Variants in DPYD observed in about 807,000 individuals in gnomAD.
The protein encoded by DPYD is dihydropyrimidine dehydrogenase, also known as dihydropyrimidine dehydrogenase [NADP(+)].
Under a neutral mutation model 116.2 loss-of-function variants are expected in DPYD, and 109 were observed. The ratio of observed to expected loss-of-function variants is 0.94; its 90% confidence interval spans 0.80 to 1.10. The LOEUF (loss-of-function observed/expected upper bound fraction) is 1.10, where lower values mean the gene tolerates loss of function less well. DPYD is among the 50% of genes least tolerant of loss of function. The pLI is 0.00. For synonymous variants in DPYD, 440 were observed against 432.0 expected (o/e 1.02, Z -0.23); for missense variants, 1,302 against 1,254.5 (o/e 1.04, Z -0.57).
rs1016828054 is a variant in DPYD at position 97,838,863 on chromosome 1, TA to T, written c.151-10668del. Among the ~76,000 whole-genome samples the T allele has an allele frequency of 8.5e-3, 1,033 of 120,966 alleles. 8 individuals are homozygous for T. Among genetic ancestry groups the T allele is most frequent in the African/African-American group, 0.028 (981 of 34,472 alleles). 79.4% of individuals were successfully genotyped at this position (120,966 alleles called of 152,430 possible). A position where few individuals can be genotyped will look rare whatever the true frequency, so the allele number is the denominator to read the frequency against. ...CGAGACTCCGTCTCAAAAAAAAAAA[TA>T]AATAAAAAAATAAAAGAACTTGAGT... On this transcript the variant is annotated intron_variant, in intron 2 of 22. Transcript: ENST00000370192.
At chr1:97,330,477 C>T (rs1668929592) in intron 16 of DPYD, among the ~76,000 whole-genome samples, 1 of 152,126 alleles carries the variant, frequency 6.6e-6, no homozygotes, top group Non-Finnish European at 1.5e-5. Context: ...ATTCACTCCA[C>T]AAATATGTAT....
chr1:97,318,407 G>GA (rs1668001071), intron 16 of DPYD, among the ~76,000 whole-genome samples: 1 of 136,594 alleles, frequency 7.3e-6, no homozygotes. Context: ...AAATGGAAAA[G>GA]AAAAAAAGGC....
chr1:97,122,339 GT>G (rs924526709), intron 20 of DPYD, among the ~76,000 whole-genome samples: 1 of 152,100 alleles, frequency 6.6e-6, no homozygotes, highest in Non-Finnish European at 1.5e-5. Context: ...CTCTATTTTG[GT>G]TTTGTGGCAG....
At chr1:97,866,960 A>G (rs71657279) in intron 2 of DPYD, among the ~76,000 whole-genome samples, 1,869 of 151,996 alleles carry the variant, frequency 0.012, 21 homozygotes, top group Non-Finnish European at 0.021. Flanking sequence ...CTTGTAGGCT[A>G]TAATAGGACC....
chr1:97,191,000 C>A (rs1051124397), intron 20 of DPYD, among the ~76,000 whole-genome samples: 1 of 151,872 alleles, frequency 6.6e-6, no homozygotes, highest in African/African-American at 2.4e-5. Context: ...TGAGGACCAG[C>A]ATACTATTCT....
chr1:97,694,522 G>T (rs1249711434), intron 6 of DPYD, among the ~76,000 whole-genome samples: 1 of 152,086 alleles, frequency 6.6e-6, no homozygotes, highest in Admixed American at 6.5e-5. Context: ...TTAAATTCCA[G>T]ACTTTTATGT....
intron 3 of DPYD, among the ~76,000 whole-genome samples, chr1:97,815,520 A>G (rs1668559305): frequency 6.6e-6 from 1 of 152,218 alleles, no homozygotes; most frequent in African/African-American, 2.4e-5. Flanking sequence ...AGGATAGTCA[A>G]TTGAAGCAAA....
intron 14 of DPYD, among the ~76,000 whole-genome samples, chr1:97,445,778 T>A (rs1570745895): frequency 1.3e-5 from 2 of 148,864 alleles, no homozygotes; most frequent in African/African-American, 5.0e-5. Context: ...CAGGCTGGAG[T>A]GCAGTGGCAT....
rs890239448 is a variant in DPYD at position 97,546,210 on chromosome 1, C to T, written c.1524+3350G>A. On this transcript the variant is annotated intron_variant, in intron 12 of 22. Transcript: ENST00000370192. ...TGAAACTAACAAGAACAGGACAAAA[C>T]GAGGATGGCAACAGAAGAGTAAAGG... The T allele has an allele frequency of 6.7e-5, 103 of 1,532,482 alleles. 1 individual carries two copies. In the South Asian group the frequency reaches 7.3e-4, roughly 11 times the overall value. 94.9% of individuals were successfully genotyped at this position (1,532,482 alleles called of 1,614,324 possible).
At chr1:97,098,662 A>T in intron 20 of DPYD, 30 bp from the exon 21 acceptor site, 1 of 1,611,754 alleles carries the variant, frequency 6.2e-7, no homozygotes, top group Non-Finnish European at 8.5e-7. Flanking sequence ...ATAAGGAAGC[A>T]TGTTAGCTCA....
At chr1:97,667,935 C>T (rs1343471625) in intron 8 of DPYD, among the ~76,000 whole-genome samples, 1 of 152,062 alleles carries the variant, frequency 6.6e-6, no homozygotes, top group Non-Finnish European at 1.5e-5. Flanking sequence ...AGACATTATG[C>T]TAAGTGAAAT....
At chr1:97,383,274 C>T (rs1014539537) in intron 14 of DPYD, among the ~76,000 whole-genome samples, 58 of 151,770 alleles carry the variant, frequency 3.8e-4, no homozygotes, top group African/African-American at 1.2e-3. Context: ...GTCAGGAGTT[C>T]GAGACCAACC....
intron 13 of DPYD, among the ~76,000 whole-genome samples, chr1:97,499,164 T>C (rs1309529060): frequency 6.6e-6 from 1 of 151,752 alleles, no homozygotes; most frequent in Non-Finnish European, 1.5e-5. Flanking sequence ...CAATTTCTGT[T>C]TATTTAAAAC....
At chr1:97,427,553 C>T (rs545079576) in intron 14 of DPYD, among the ~76,000 whole-genome samples, 1 of 152,138 alleles carries the variant, frequency 6.6e-6, no homozygotes, top group Admixed American at 6.6e-5. Flanking sequence ...GCCCCAAGTG[C>T]AATGTGACCT....
chr1:97,083,153 T>C (rs1016346260), intron 21 of DPYD, among the ~76,000 whole-genome samples: 2 of 152,172 alleles, frequency 1.3e-5, no homozygotes, highest in African/African-American at 2.4e-5. Context: ...TTCATACTAA[T>C]TGGGAGTGTG....
At chr1:97,542,570 C>G (rs1432580323) in intron 12 of DPYD, among the ~76,000 whole-genome samples, 1 of 152,056 alleles carries the variant, frequency 6.6e-6, no homozygotes, top group Non-Finnish European at 1.5e-5. Flanking sequence ...CTTGCTGATT[C>G]CACATCCTAA....
intron 8 of DPYD, among the ~76,000 whole-genome samples, chr1:97,666,010 T>G (rs1333151417): frequency 2.0e-5 from 3 of 152,214 alleles, no homozygotes; most frequent in Non-Finnish European, 2.9e-5. Context: ...GAGGCTAAGA[T>G]AAATTTTTTT....
intron 1 of DPYD, among the ~76,000 whole-genome samples, chr1:97,910,857 T>C (rs1673898570): frequency 6.6e-6 from 1 of 152,122 alleles, no homozygotes; most frequent in East Asian, 1.9e-4. Flanking sequence ...TACATTAGCA[T>C]CTAGTTTTCT....
At chr1:97,180,570 A>G (rs1657577594) in intron 20 of DPYD, among the ~76,000 whole-genome samples, 1 of 152,142 alleles carries the variant, frequency 6.6e-6, no homozygotes, top group South Asian at 2.1e-4. Flanking sequence ...TATAGTAATG[A>G]TTTCATTTTA....
Sources: allele counts gnomAD v4.1 joint callset (sites outside exome capture counted in the v4.1 genomes callset), GRCh38; gene constraint gnomAD v4.1.1; transcripts MANE v1.5; gene names NCBI Gene and HGNC (gene_info 2026-07-23, HGNC 2026-07-21).